The following ITGA11 variants were observed in gnomAD, a reference collection of about 807,000 sequenced individuals.
ITGA11 encodes integrin alpha-11.
ITGA11 carries 97 observed loss-of-function variants against 141.9 expected under a neutral mutation model. That is an observed-to-expected ratio of 0.68 (90% CI 0.58 to 0.81). ITGA11 has a LOEUF of 0.81. Among genes scored for constraint, ITGA11 ranks in the 30% least tolerant of loss-of-function variants. The pLI is 0.00. For missense variants in ITGA11, 1,387 were observed against 1,559.2 expected (o/e 0.89, Z 1.86); for synonymous variants, 658 against 624.6 (o/e 1.05, Z -0.80).
intron 2 of ITGA11, among the ~76,000 whole-genome samples, chr15:68,372,409 C>A (rs1203535212): frequency 4.6e-5 from 7 of 152,174 alleles, no homozygotes; most frequent in Admixed American, 2.0e-4. Flanking sequence ...ATACCCTATA[C>A]CTCCTGGCGT....
chr15:68,353,290 T>C (rs1894970792), intron 7 of ITGA11, among the ~76,000 whole-genome samples: 1 of 152,232 alleles, frequency 6.6e-6, no homozygotes, highest in Non-Finnish European at 1.5e-5. Flanking sequence ...CTGGATATGT[T>C]GCCTTAAAAA....
At chr15:68,374,332 G>A (rs1257023927) in intron 2 of ITGA11, among the ~76,000 whole-genome samples, 1 of 152,068 alleles carries the variant, frequency 6.6e-6, no homozygotes, top group Non-Finnish European at 1.5e-5. Context: ...CTTAGACAGG[G>A]AACCCTGCAT....
At chr15:68,419,568 C>T (rs1896969080) in intron 1 of ITGA11, among the ~76,000 whole-genome samples, 1 of 152,182 alleles carries the variant, frequency 6.6e-6, no homozygotes, top group African/African-American at 2.4e-5. Context: ...AAATAGAGTC[C>T]CTGTTGTCAA....
At chr15:68,368,086 G>T (rs529487779) in intron 3 of ITGA11, among the ~76,000 whole-genome samples, 1 of 152,202 alleles carries the variant, frequency 6.6e-6, no homozygotes, top group African/African-American at 2.4e-5. Flanking sequence ...CTGCCCTGGG[G>T]AGTTCTTTGG....
chr15:68,331,042 G>A lies in ITGA11; in HGVS notation c.1840C>T (p.Leu614Phe), dbSNP rs1261641066. The stretch of plus-strand genomic sequence containing the variant: ...AGGTCGATGAGCCCATCCTCATTGA[G>A]GTCCAATTGCCCGTGGATGCTGCAG... ...FGCSIHGQLD[L>F]NEDGLIDLAV... Residue 614 changes from leucine (L) to phenylalanine (F), a missense_variant, in exon 15 of 30, where the codon CTC becomes TTC. Coordinates refer to ENST00000315757, the MANE Select transcript of ITGA11 (RefSeq NM_001004439.2). 2 of 1,613,022 alleles carry A rather than the reference G, an allele frequency of 1.2e-6. No individual in the cohort carries two copies. Among genetic ancestry groups the A allele is most frequent in the Non-Finnish European group, 1.7e-6 (2 of 1,179,582 alleles).
chr15:68,339,597 A>G lies in ITGA11; in HGVS notation c.1179T>C (p.Ala393=). 1.9e-6 allele frequency: 3 copies of G among 1,613,958 alleles called. No individual in the cohort carries two copies. The highest frequency in any genetic ancestry group is 1.7e-6 in the Non-Finnish European group (2 of 1,179,874). Residue 393 remains alanine, a synonymous_variant, in exon 11 of 30, where the codon GCT becomes GCC. Coordinates refer to ENST00000315757, the MANE Select transcript of ITGA11 (RefSeq NM_001004439.2). ...GAVGAYDWNG[A]VLKETSAGKV... ...TCCCGGCACTCGTCTCCTTTAGCAC[A>G]GCTCCATTCCAGTCATAGGCACCGA...
In ITGA11 at chr15:68,324,616, T is replaced by C. The variant is rs1233744374; in HGVS notation, c.2322+515A>G. ...TGCCCCAGAGCCAGGGATTAGAAAA[T>C]GTGGCTGAGGGATGGGGCCGCTTCT... On this transcript the variant is annotated intron_variant, in intron 18 of 29. Coordinates refer to ENST00000315757, the MANE Select transcript of ITGA11 (RefSeq NM_001004439.2). This position sits in a 1 kb window ranked among gnomAD's most constrained non-coding sequence, Gnocchi z 6.3. 2.0e-5 allele frequency among the ~76,000 whole-genome samples: 3 copies of C among 152,030 alleles called. No homozygotes were observed. The highest frequency in any genetic ancestry group is 4.2e-4 in the South Asian group (2 of 4,818).
chr15:68,315,865 G>T (rs1308554062), intron 21 of ITGA11, 138 bp from the exon 22 acceptor site: 3 of 664,072 alleles, frequency 4.5e-6, no homozygotes, highest in Non-Finnish European at 7.8e-6. Flanking sequence ...CTGGGAACAG[G>T]CTGGGAAAGG....
chr15:68,318,487 A>T (rs547155138), intron 20 of ITGA11, among the ~76,000 whole-genome samples: 1 of 152,272 alleles, frequency 6.6e-6, no homozygotes, highest in South Asian at 2.1e-4. Context: ...TGGGCTCTTC[A>T]TCATCAGCCT....
At chr15:68,364,852 C>CA in intron 3 of ITGA11, 54 bp from the exon 4 acceptor site, 1 of 1,533,982 alleles carries the variant, frequency 6.5e-7, no homozygotes, top group Non-Finnish European at 9.0e-7. Context: ...GCCCTCTGCC[C>CA]AGAGCCTGCT....
At chr15:68,354,144 TTTC>T (rs1894998043) in intron 7 of ITGA11, among the ~76,000 whole-genome samples, 1 of 152,056 alleles carries the variant, frequency 6.6e-6, no homozygotes, top group Non-Finnish European at 1.5e-5. Flanking sequence ...TCCCCATAGC[TTTC>T]ATCTCTTTCT....
At chr15:68,346,737 AG>A in intron 10 of ITGA11, among the ~76,000 whole-genome samples, 1 of 152,248 alleles carries the variant, frequency 6.6e-6, no homozygotes, top group East Asian at 1.9e-4. Context: ...CGTGTCCTTT[AG>A]GGGCAGCTCG....
At chr15:68,320,686 A>G (rs1893776453) in intron 19 of ITGA11, among the ~76,000 whole-genome samples, 1 of 152,198 alleles carries the variant, frequency 6.6e-6, no homozygotes, top group African/African-American at 2.4e-5. Flanking sequence ...TCCGCACATC[A>G]TGTTTCCCTT....
At chr15:68,418,578 C>T (rs1377568246) in intron 1 of ITGA11, among the ~76,000 whole-genome samples, 1 of 143,064 alleles carries the variant, frequency 7.0e-6, no homozygotes, top group African/African-American at 2.6e-5. Context: ...CCCCCCCACC[C>T]CCTTCCTGAG....
In ITGA11 at chr15:68,313,870, T is replaced by C. The variant is rs1192250679; in HGVS notation, c.2793-2A>G. ...GTGCTGTCCCGCTCATTACTGTCAC[T>C]GCAAGGAGAGCCAGGCGGCAAGGTC... On this transcript the variant is annotated splice_acceptor_variant, in intron 22 of 29. Coordinates refer to ENST00000315757, the MANE Select transcript of ITGA11 (RefSeq NM_001004439.2). LOFTEE classifies it high-confidence loss of function. The C allele has an allele frequency of 2.5e-6, 4 of 1,613,430 alleles. No homozygotes were observed. The highest frequency in any genetic ancestry group is 1.7e-6 in the Non-Finnish European group (2 of 1,179,438).
intron 2 of ITGA11, among the ~76,000 whole-genome samples, chr15:68,395,156 C>T (rs1896201228): frequency 6.6e-6 from 1 of 152,126 alleles, no homozygotes; most frequent in Non-Finnish European, 1.5e-5. Context: ...ACATCTACAC[C>T]AAAACCCCAT....
rs1190544620 is a variant in ITGA11, at chr15:68,315,705, T to C, written c.2738A>G (p.Glu913Gly). ...KAKVAFRLDF[E>G]FSKSIFLHHL... ...GTGTAGGAAGATGGATTTGCTGAAC[T>C]CAAAATCAAGACGGAAAGCCACCTG... is the stretch of plus-strand genomic sequence containing the variant. The change falls in exon 22 of 30, where the codon GAG becomes GGG. Residue 913 changes from glutamate (E) to glycine (G), a missense_variant. Transcript: ENST00000315757. 5 of 1,612,844 alleles carry C rather than the reference T, an allele frequency of 3.1e-6. No homozygotes were observed. The highest frequency in any genetic ancestry group is 4.2e-6 in the Non-Finnish European group (5 of 1,179,408).
intron 1 of ITGA11, 92 bp downstream of exon 1, chr15:68,431,923 G>T (rs2305078): frequency 8.1e-6 from 7 of 858,918 alleles, no homozygotes; most frequent in Non-Finnish European, 1.1e-5. Context: ...CTGGGAGGAG[G>T]GTCGCGTCCC....
At position 68,298,456 on chromosome 15, in the gene ITGA11, T is replaced by A. The variant is rs962412060; in HGVS notation, c.*4603A>T. 17 of 151,956 alleles carry A rather than the reference T, an allele frequency of 1.1e-4. No individual in the cohort carries two copies. The highest frequency in any genetic ancestry group is 4.1e-4 in the African/African-American group (17 of 41,364). The allele number at this position is 151,956 out of a possible 1,614,324, so 9.4% of individuals were successfully genotyped here. On this transcript the variant is annotated 3_prime_UTR_variant, in exon 30 of 30. Coordinates refer to ENST00000315757, the MANE Select transcript of ITGA11 (RefSeq NM_001004439.2). Reference sequence around the variant, plus strand: ...GGGCAACAAAGTGAGACCCCCTCTCTGCACAAAATTAAAAAAAAAATTAGC... The same window carrying A: ...GGGCAACAAAGTGAGACCCCCTCTCAGCACAAAATTAAAAAAAAAATTAGC...
Sources: gnomAD v4.1 joint callset for allele counts (sites outside exome capture counted in the v4.1 genomes callset) on GRCh38, gnomAD v4.1.1 for gene constraint, Gnocchi (gnomAD v3.1) non-coding constraint, MANE v1.5 for transcripts, NCBI Gene and HGNC (gene_info 2026-07-23, HGNC 2026-07-21) for gene names.